MBTPS1: variants seen among roughly 807,000 people sequenced by gnomAD.
The protein encoded by MBTPS1 is membrane-bound transcription factor site-1 protease.
In MBTPS1, 94 loss-of-function variants were observed where a neutral mutation model predicts 127.8. The observed-to-expected ratio is 0.74, with a 90% confidence interval of 0.62 to 0.87. The LOEUF is 0.87. Among genes scored for constraint, MBTPS1 ranks in the 40% least tolerant of loss-of-function variants. The pLI is 0.00. For missense variants in MBTPS1, 1,636 were observed against 1,353.2 expected, an observed-to-expected ratio of 1.21 and a Z score of -3.28; for synonymous variants, 632 against 509.4, an observed-to-expected ratio of 1.24 and a Z score of -3.24.
chr16:84,102,435 C>T (rs2086270220), intron 1 of MBTPS1, among the ~76,000 whole-genome samples: 1 of 152,204 alleles, frequency 6.6e-6, no homozygotes, highest in African/African-American at 2.4e-5. Flanking sequence ...TTATTACTCA[C>T]TGCTTTCACG....
Position 84,083,763 on chromosome 16 carries a change from T to G in MBTPS1, c.1286+1220A>C, listed in dbSNP as rs542535116. Reference sequence around the variant, plus strand: ...AATAACTTCCAAATACGCAGAGTTTTGTGTGTTATCACAACACTCAACTAA... The same window carrying G: ...AATAACTTCCAAATACGCAGAGTTTGGTGTGTTATCACAACACTCAACTAA... On this transcript the variant is annotated intron_variant, in intron 10 of 22. Coordinates refer to ENST00000343411, the MANE Select transcript of MBTPS1 (RefSeq NM_003791.4). Among the ~76,000 whole-genome samples the G allele has an allele frequency of 3.3e-5, 5 of 152,392 alleles. No individual in the cohort carries two copies. In the East Asian group the frequency reaches 9.6e-4, roughly 29 times the overall value.
chr16:84,068,869 C>T (rs1480433768), intron 14 of MBTPS1, among the ~76,000 whole-genome samples: 2 of 152,216 alleles, frequency 1.3e-5, no homozygotes, highest in Non-Finnish European at 2.9e-5. Flanking sequence ...GACAGCGGCA[C>T]AGCTAACTGA....
chr16:84,114,068 G>T (rs986650850), intron 1 of MBTPS1, among the ~76,000 whole-genome samples: 1 of 151,256 alleles, frequency 6.6e-6, no homozygotes, highest in Admixed American at 6.6e-5. Context: ...GGGTTCAAGC[G>T]ATTCTCCTGC....
At position 84,054,262 on chromosome 16, in the gene MBTPS1, G is replaced by C; in HGVS notation, c.*187C>G. ...TAAGTCCCTCCTGACGGGATCCACA[G>C]GAATCTTCTCGATGTACCAGGAGCC... On this transcript the variant is annotated 3_prime_UTR_variant, in exon 23 of 23. Coordinates refer to ENST00000343411, the MANE Select transcript of MBTPS1 (RefSeq NM_003791.4). 2.2e-6 allele frequency: 1 copy of C among 444,644 alleles called. No homozygotes were observed. Among genetic ancestry groups the C allele is most frequent in the Non-Finnish European group, 3.9e-6 (1 of 255,768 alleles). The allele number at this position is 444,644 out of a possible 1,614,324, so 27.5% of individuals were successfully genotyped here.
chr16:84,085,786 C>G (rs1023696508), intron 9 of MBTPS1, among the ~76,000 whole-genome samples: 5 of 151,686 alleles, frequency 3.3e-5, no homozygotes, highest in African/African-American at 9.7e-5. Flanking sequence ...AGACCAGAAA[C>G]TGGAAACTGC....
chr16:84,098,026 T>C (rs1379554987), intron 3 of MBTPS1, among the ~76,000 whole-genome samples: 1 of 151,984 alleles, frequency 6.6e-6, no homozygotes, highest in Non-Finnish European at 1.5e-5. Flanking sequence ...TGATTTAAGA[T>C]AAACAGGGAA....
At position 84,074,731 on chromosome 16, in the gene MBTPS1, T is replaced by C; in HGVS notation, c.1459A>G (p.Ser487Gly). 1.2e-6 allele frequency: 2 copies of C among 1,613,172 alleles called. No homozygotes were observed. The highest frequency in any genetic ancestry group is 1.7e-6 in the Non-Finnish European group (2 of 1,179,678). ...GGACACTCAGTCAGATCTATGTAGC[T>C]GGGGCTCAAACTGAAATAAAGAATA... ...SYKPQASLSP[S>G]YIDLTECPYM... Residue 487 changes from serine to glycine, a missense_variant, in exon 12 of 23, where the codon AGC becomes GGC. Coordinates refer to ENST00000343411, the MANE Select transcript of MBTPS1 (RefSeq NM_003791.4).
rs569024254 is a variant in MBTPS1, at chr16:84,076,167, T to G, written c.1449-1426A>C. Among the ~76,000 whole-genome samples, 30 of 152,336 alleles carry G rather than the reference T, an allele frequency of 2.0e-4. No homozygotes were observed. In the South Asian group the frequency reaches 6.2e-3, roughly 32 times the overall value. ...CATAAACCATATATATTAATAGGTC[T>G]AAAGTATTCATATGATTACCTTTCT... On this transcript the variant is annotated intron_variant, in intron 11 of 22. Transcript: ENST00000343411.
intron 18 of MBTPS1, among the ~76,000 whole-genome samples, 188 bp downstream of exon 18, chr16:84,065,502 C>T (rs1041479278): frequency 4.6e-5 from 7 of 152,062 alleles, no homozygotes; most frequent in Non-Finnish European, 1.0e-4. Flanking sequence ...GTGATGGTTC[C>T]ACAATTTTGT....
At chr16:84,083,945 G>C (rs534043422) in intron 10 of MBTPS1, among the ~76,000 whole-genome samples, 4 of 152,150 alleles carry the variant, frequency 2.6e-5, no homozygotes, top group Admixed American at 1.3e-4. Context: ...TGGTCTACTC[G>C]CTTGGAGAAC....
chr16:84,054,328 C>G lies in MBTPS1; in HGVS notation c.*121G>C. ...AGGGCAGGCCCATGTAGAACAGACT[C>G]TAACAAACCTGCAGCTGGAAACTGG... On this transcript the variant is annotated 3_prime_UTR_variant, in exon 23 of 23. Transcript: ENST00000343411. The G allele has an allele frequency of 2.2e-6, 2 of 889,106 alleles. No homozygotes were observed. Among genetic ancestry groups the G allele is most frequent in the Admixed American group, 3.1e-5 (1 of 32,684 alleles). 55.1% of individuals were successfully genotyped at this position (889,106 alleles called of 1,614,324 possible).
rs1179080812 is a variant in MBTPS1 at position 84,059,446 on chromosome 16, A to G, written c.2705-18T>C. ...ATGGTTTCCTGTGGTTAGCAGCAACATCAACAAAAAGGAAAATCATCTCTA... is the reference window on the plus strand; with the variant it reads ...ATGGTTTCCTGTGGTTAGCAGCAACGTCAACAAAAAGGAAAATCATCTCTA... On this transcript the variant is annotated intron_variant, in intron 20 of 22. Transcript: ENST00000343411. The G allele has an allele frequency of 3.1e-6, 5 of 1,601,370 alleles. No individual in the cohort carries two copies. Among genetic ancestry groups the G allele is most frequent in the South Asian group, 1.1e-5 (1 of 89,554 alleles).
At chr16:84,060,503 G>A in intron 20 of MBTPS1, 179 bp downstream of exon 20, 1 of 625,900 alleles carries the variant, frequency 1.6e-6, no homozygotes. Flanking sequence ...GGGGACTAAG[G>A]ATGGCCTCTC....
intron 11 of MBTPS1, among the ~76,000 whole-genome samples, chr16:84,078,704 C>T (rs1279325152): frequency 2.0e-5 from 3 of 152,154 alleles, no homozygotes; most frequent in African/African-American, 4.8e-5. Flanking sequence ...TCACAGGATA[C>T]GGCTGTGAAA....
intron 2 of MBTPS1, among the ~76,000 whole-genome samples, chr16:84,099,730 T>C (rs896198501): frequency 6.6e-6 from 1 of 150,880 alleles, no homozygotes; most frequent in Non-Finnish European, 1.5e-5. Flanking sequence ...TAAGCAGAGA[T>C]TGCACCACTG....
chr16:84,066,605 C>G lies in MBTPS1; in HGVS notation c.2237G>C (p.Trp746Ser), dbSNP rs1247525431. 2.5e-6 allele frequency: 4 copies of G among 1,614,022 alleles called. No individual in the cohort carries two copies. Among genetic ancestry groups the G allele is most frequent in the Non-Finnish European group, 2.5e-6 (3 of 1,179,948 alleles). ...KFYDENTRQW[W>S]MPDTGGANIP... ...GTTAGCTCCTCCGGTATCCGGCATC[C>G]ACCACTGCCTGGGAAAGTGGTAACA... Residue 746 changes from tryptophan to serine, a missense_variant, in exon 17 of 23, where the codon TGG becomes TCG. Physicochemically the swap from Trp to Ser is radical, Grantham distance 177. Transcript: ENST00000343411.
At chr16:84,082,544 C>T (rs1318421628) in intron 10 of MBTPS1, among the ~76,000 whole-genome samples, 3 of 152,134 alleles carry the variant, frequency 2.0e-5, no homozygotes, top group African/African-American at 7.2e-5. Context: ...GGAACTTAGC[C>T]TGGTGATACT....
intron 8 of MBTPS1, 114 bp from the exon 9 acceptor site, chr16:84,087,574 T>C (rs1005361213): frequency 3.0e-6 from 2 of 664,756 alleles, no homozygotes; most frequent in Non-Finnish European, 5.1e-6. Context: ...TCTAACACTG[T>C]ATGAGCTGCT....
chr16:84,061,738 C>A (rs1363165761), intron 19 of MBTPS1: 1 of 152,230 alleles, frequency 6.6e-6, no homozygotes, highest in South Asian at 2.1e-4. Flanking sequence ...GGGCTAGCAA[C>A]AGCTCCCGTT....
Sources: gnomAD v4.1 joint callset for allele counts (sites outside exome capture counted in the v4.1 genomes callset) on GRCh38, gnomAD v4.1.1 for gene constraint, MANE v1.5 for transcripts, NCBI Gene and HGNC (gene_info 2026-07-23, HGNC 2026-07-21) for gene names.